Variants in SLC35F5 observed in about 807,000 individuals in gnomAD.
SLC35F5 encodes HCV NS5A-transactivated protein 3.
SLC35F5 carries 54 observed loss-of-function variants against 68.6 expected under a neutral mutation model. The observed-to-expected ratio is 0.79, with a 90% CI of 0.63 to 0.99. The LOEUF (loss-of-function observed/expected upper bound fraction) is 0.99. SLC35F5 is among the 50% of genes least tolerant of loss of function. The pLI is 0.00. For missense variants in SLC35F5, 567 were observed against 626.9 expected (o/e 0.90, Z 1.02); for synonymous variants, 211 against 205.2 (o/e 1.03, Z -0.24).
At chr2:113,727,514 T>C (rs938381657) in intron 11 of SLC35F5, among the ~76,000 whole-genome samples, 3 of 152,182 alleles carry the variant, frequency 2.0e-5, no homozygotes, top group Admixed American at 6.5e-5. Context: ...AAATCCCACG[T>C]AAATTAACAT....
At position 113,746,297 on chromosome 2, in the gene SLC35F5, T is replaced by C. The variant is rs760677524; in HGVS notation, c.460A>G (p.Thr154Ala). The C allele has an allele frequency of 1.9e-6, 3 of 1,613,230 alleles. No homozygotes were observed. Among genetic ancestry groups the C allele is most frequent in the African/African-American group, 1.3e-5 (1 of 74,942 alleles). Residue 154 changes from threonine to alanine, a missense_variant, in exon 5 of 16, where the codon ACA becomes GCA. Transcript: ENST00000245680. Reference sequence around the variant, plus strand: ...CTTACCAAAGAACTATTCATAGTTGTATCTGTTGTGCAAGCAGCAAAGTAA... The same window carrying C: ...CTTACCAAAGAACTATTCATAGTTGCATCTGTTGTGCAAGCAGCAAAGTAA... ...EGYFAACTTD[T>A]TMNSSLSEPL...
chr2:113,748,859 A>T (rs1676623814), intron 4 of SLC35F5, among the ~76,000 whole-genome samples: 1 of 152,116 alleles, frequency 6.6e-6, no homozygotes, highest in Non-Finnish European at 1.5e-5. Flanking sequence ...GCTGGAGTGC[A>T]GTGGTGCGAT....
intron 9 of SLC35F5, among the ~76,000 whole-genome samples, chr2:113,732,978 C>G (rs965118637): frequency 6.6e-6 from 1 of 152,086 alleles, no homozygotes; most frequent in African/African-American, 2.4e-5. Flanking sequence ...GCTTAGATTC[C>G]CTTCAAGATT....
Position 113,715,047 on chromosome 2 carries a change from T to C in SLC35F5, c.*171A>G, listed in dbSNP as rs1205461470. 1 of 152,628 alleles carries C rather than the reference T, an allele frequency of 6.6e-6. No homozygotes were observed. The highest frequency in any genetic ancestry group is 2.4e-5 in the African/African-American group (1 of 41,452). 9.5% of individuals were successfully genotyped at this position (152,628 alleles called of 1,614,324 possible). ...CACAGCTACATAGCAAAGTGCTTCATTATGAAAATGAAGAAAACAGGTATG... is the reference window on the plus strand; with the variant it reads ...CACAGCTACATAGCAAAGTGCTTCACTATGAAAATGAAGAAAACAGGTATG... On this transcript the variant is annotated 3_prime_UTR_variant, in exon 16 of 16. Coordinates refer to ENST00000245680, the MANE Select transcript of SLC35F5 (RefSeq NM_025181.5).
intron 7 of SLC35F5, among the ~76,000 whole-genome samples, chr2:113,741,402 C>A (rs774884024): frequency 1.3e-5 from 2 of 152,088 alleles, no homozygotes; most frequent in African/African-American, 4.8e-5. Context: ...ACTTACTGTA[C>A]ACTTAAAAAT....
chr2:113,718,986 T>G (rs1687317736), intron 14 of SLC35F5, among the ~76,000 whole-genome samples, 168 bp downstream of exon 14: 1 of 152,016 alleles, frequency 6.6e-6, no homozygotes, highest in African/African-American at 2.4e-5. Context: ...AAGAATCTTA[T>G]TACCCAAAAG....
At chr2:113,749,364 G>C (rs1243775532) in intron 4 of SLC35F5, among the ~76,000 whole-genome samples, 1 of 152,170 alleles carries the variant, frequency 6.6e-6, no homozygotes, top group Non-Finnish European at 1.5e-5. Context: ...GTGGGGTGTG[G>C]TGTTGCATGG....
intron 3 of SLC35F5, among the ~76,000 whole-genome samples, chr2:113,753,104 T>C (rs1375384266): frequency 6.8e-6 from 1 of 148,134 alleles, no homozygotes; most frequent in African/African-American, 2.5e-5. Flanking sequence ...TGTTAGAAAA[T>C]AACCATAATA....
Position 113,756,460 on chromosome 2 carries a change from G to C in SLC35F5, c.-51C>G. The C allele has an allele frequency of 6.5e-7, 1 of 1,536,024 alleles. No homozygotes were observed. ...CGCCCAGCGCCACGGCCGCGGCCTC[G>C]GACTCACAGAGCTGTCACCGCGCCT... On this transcript the variant is annotated 5_prime_UTR_variant, in exon 1 of 16. Transcript: ENST00000245680.
intron 12 of SLC35F5, among the ~76,000 whole-genome samples, chr2:113,724,976 C>T (rs1687601619): frequency 1.3e-5 from 2 of 152,042 alleles, no homozygotes; most frequent in African/African-American, 2.4e-5. Context: ...TATTCCAAAG[C>T]CTCTTAAATA....
downstream of SLC35F5, among the ~76,000 whole-genome samples, chr2:113,706,309 T>C (rs1686797248): frequency 6.6e-6 from 1 of 152,106 alleles, no homozygotes; most frequent in African/African-American, 2.4e-5. Context: ...TTTCCCTCCT[T>C]CTTTGCCTCC....
rs1173478465 is a variant in SLC35F5, at chr2:113,753,168, C to CTTTTTTTTTTTTTTTTT, written c.273+1980_273+1996dup. 7.7e-3 allele frequency among the ~76,000 whole-genome samples: 376 copies of CTTTTTTTTTTTTTTTTT among 49,076 alleles called. 120 individuals carry two copies. Among genetic ancestry groups the CTTTTTTTTTTTTTTTTT allele is most frequent in the Middle Eastern group, 0.017 (1 of 58 alleles). The allele number at this position is 49,076 out of a possible 152,430, so 32.2% of individuals were successfully genotyped here. A position where few individuals can be genotyped will look rare whatever the true frequency, so the allele number is the denominator to read the frequency against. ...CACTTTATCTCCAAAGTTTGTTTTT[C>CTTTTTTTTTTTTTTTTT]TTTTTTTTTTTTTTTTTTTTTTTTT... On this transcript the variant is annotated intron_variant, in intron 3 of 15. Coordinates refer to ENST00000245680, the MANE Select transcript of SLC35F5 (RefSeq NM_025181.5).
At chr2:113,731,434 C>A (rs893752869) in intron 10 of SLC35F5, 150 bp downstream of exon 10, 1 of 579,736 alleles carries the variant, frequency 1.7e-6, no homozygotes, top group Admixed American at 2.6e-5. Context: ...AAACTATTTA[C>A]GCATTTTTTT....
intron 7 of SLC35F5, among the ~76,000 whole-genome samples, chr2:113,739,420 C>CT (rs773463729): frequency 7.9e-5 from 12 of 152,250 alleles, no homozygotes; most frequent in Admixed American, 3.3e-4. Context: ...GGAGGGAGAA[C>CT]TCAAGGATTT....
rs185066957 is a variant in SLC35F5, at chr2:113,738,591, C to T, written c.751-2733G>A. ...AGATGTCTCTTTGAGATACTGATTTCATTTACTTTGGATATGTAGTAAGAG... is the reference window on the plus strand; with the variant it reads ...AGATGTCTCTTTGAGATACTGATTTTATTTACTTTGGATATGTAGTAAGAG... On this transcript the variant is annotated intron_variant, in intron 7 of 15. Coordinates refer to ENST00000245680, the MANE Select transcript of SLC35F5 (RefSeq NM_025181.5). 2.8e-3 allele frequency among the ~76,000 whole-genome samples: 429 copies of T among 151,622 alleles called. 2 individuals carry two copies. The highest frequency in any genetic ancestry group is 9.7e-3 in the African/African-American group (402 of 41,342).
Position 113,706,819 on chromosome 2 carries a change from T to C in SLC35F5, c.*8399A>G, listed in dbSNP as rs1057371862. Among the ~76,000 whole-genome samples, 1 of 152,212 alleles carries C rather than the reference T, an allele frequency of 6.6e-6. No homozygotes were observed. The highest frequency in any genetic ancestry group is 1.5e-5 in the Non-Finnish European group (1 of 68,028). Reference sequence around the variant, plus strand: ...TACTTTTAATGAGCTAGAAAATGCATACTATAAATAGAATATACAAATGAT... The same window carrying C: ...TACTTTTAATGAGCTAGAAAATGCACACTATAAATAGAATATACAAATGAT... On this transcript the variant is annotated 3_prime_UTR_variant, in exon 16 of 16. Transcript: ENST00000245680.
At chr2:113,753,195 T>TTTTTTAGGG (rs1676827107) in intron 3 of SLC35F5, among the ~76,000 whole-genome samples, 1 of 131,978 alleles carries the variant, frequency 7.6e-6, no homozygotes, top group Non-Finnish European at 1.6e-5. Context: ...TTTTTTTTTT[T>TTTTTTAGGG]GCTAAGGAGT....
At chr2:113,719,375 G>T (rs554202103) in intron 13 of SLC35F5, 67 bp from the exon 14 acceptor site, 2 of 1,413,660 alleles carry the variant, frequency 1.4e-6, no homozygotes, top group Admixed American at 2.6e-5. Flanking sequence ...CCCCTTCAAT[G>T]TAAGTTTTCT....
In SLC35F5 at chr2:113,725,578, T is replaced by C. The variant is rs145299672; in HGVS notation, c.1091-41A>G. On this transcript the variant is annotated intron_variant, in intron 11 of 15. Transcript: ENST00000245680. ...AGAGACAAGAGTTAAAATTGATTTA[T>C]TTCTATTTTCCAAGCTTATTAACTC... The C allele has an allele frequency of 6.7e-6, 10 of 1,500,460 alleles. No homozygotes were observed. The African/African-American group carries it at 1.4e-4, about 21-fold the overall frequency. The allele number at this position is 1,500,460 out of a possible 1,614,324, so 92.9% of individuals were successfully genotyped here.
Sources: allele counts gnomAD v4.1 joint callset (sites outside exome capture counted in the v4.1 genomes callset), GRCh38; gene constraint gnomAD v4.1.1; transcripts MANE v1.5; gene names NCBI Gene and HGNC (gene_info 2026-07-23, HGNC 2026-07-21).